The following STPG2 variants were observed in gnomAD, a reference collection of about 807,000 sequenced individuals.
STPG2 encodes the protein sperm tail PG-rich repeat containing 2.
In STPG2, 56 loss-of-function variants were observed where a neutral mutation model predicts 54.2. The observed-to-expected ratio is 1.03, with a 90% CI of 0.83 to 1.29. The LOEUF (loss-of-function observed/expected upper bound fraction) is 1.29, where lower values mean the gene tolerates loss of function less well. STPG2 is among the 50% of genes most tolerant of loss of function. The pLI is 0.00. For synonymous variants in STPG2, 200 were observed against 181.8 expected (o/e 1.10, Z -0.81); for missense variants, 596 against 544.9 (o/e 1.09, Z -0.93).
At chr4:97,483,531 C>T (rs1311858111) in intron 4 of STPG2, among the ~76,000 whole-genome samples, 1 of 151,426 alleles carries the variant, frequency 6.6e-6, no homozygotes, top group Non-Finnish European at 1.5e-5. Context: ...TATCATAATC[C>T]TAAACATATA....
intron 5 of STPG2, among the ~76,000 whole-genome samples, chr4:98,088,690 A>C (rs1327833803): frequency 6.6e-6 from 1 of 151,346 alleles, no homozygotes; most frequent in Middle Eastern, 3.4e-3. Flanking sequence ...AAAAAAAAAA[A>C]AACTCTAGCC....
intron 10 of STPG2, among the ~76,000 whole-genome samples, chr4:97,612,111 C>T (rs1319806987): frequency 6.6e-6 from 1 of 151,516 alleles, no homozygotes; most frequent in Non-Finnish European, 1.5e-5. Flanking sequence ...AAAAATGGCA[C>T]TAATACATGA....
At chr4:97,810,822 G>A (rs1727712292) in intron 9 of STPG2, among the ~76,000 whole-genome samples, 1 of 152,048 alleles carries the variant, frequency 6.6e-6, no homozygotes, top group South Asian at 2.1e-4. Context: ...ATTATCACAG[G>A]ATAAGCAAGC....
chr4:97,966,817 G>A (rs1734117060), intron 7 of STPG2, among the ~76,000 whole-genome samples: 3 of 151,886 alleles, frequency 2.0e-5, no homozygotes, highest in Non-Finnish European at 2.9e-5. Context: ...GAAACGCAAA[G>A]GCTGAGAGAT....
intron 5 of STPG2, among the ~76,000 whole-genome samples, chr4:98,061,591 TAAAC>T (rs1273739405): frequency 7.0e-6 from 1 of 143,700 alleles, no homozygotes; most frequent in African/African-American, 2.6e-5. Flanking sequence ...TATCATAACT[TAAAC>T]AAATTTACAA....
rs551934477 is a variant in STPG2, at chr4:97,745,891, T to TA, written c.1205-33078dup. On this transcript the variant is annotated intron_variant, in intron 9 of 10. Coordinates refer to ENST00000295268, the MANE Select transcript of STPG2 (RefSeq NM_174952.3). ...TTGCATTTCAATACTTGTAGAAAAA[T>TA]AAAGAGTTAATCTTAACATCTGGAT... Among the ~76,000 whole-genome samples the TA allele has an allele frequency of 1.2e-3, 188 of 151,362 alleles. 3 individuals are homozygous for TA. Among genetic ancestry groups the TA allele is most frequent in the Middle Eastern group, 0.011 (3 of 280 alleles).
intron 4 of STPG2, among the ~76,000 whole-genome samples, chr4:97,450,415 A>T (rs1729335932): frequency 6.6e-6 from 1 of 152,208 alleles, no homozygotes; most frequent in Non-Finnish European, 1.5e-5. Context: ...ATAATCATAA[A>T]ATACATATAA....
chr4:97,961,093 G>GAAA (rs199899968), intron 7 of STPG2, among the ~76,000 whole-genome samples: 4 of 145,298 alleles, frequency 2.8e-5, no homozygotes, highest in Admixed American at 6.9e-5. Flanking sequence ...ACATAAAATG[G>GAAA]AAAAAAAAAA....
intron 10 of STPG2, among the ~76,000 whole-genome samples, chr4:97,682,418 T>A (rs1723064643): frequency 6.6e-6 from 1 of 151,808 alleles, no homozygotes. Context: ...TGTAATGTTA[T>A]GTTTCTAGCT....
intron 3 of STPG2, among the ~76,000 whole-genome samples, chr4:98,114,166 C>G (rs1020607977): frequency 3.3e-5 from 5 of 152,072 alleles, no homozygotes; most frequent in Admixed American, 6.6e-5. Context: ...AAAGTAAGTG[C>G]TCCAGATCAC....
At chr4:98,021,779 C>T (rs1190145569) in intron 5 of STPG2, among the ~76,000 whole-genome samples, 1 of 151,856 alleles carries the variant, frequency 6.6e-6, no homozygotes, top group African/African-American at 2.4e-5. Flanking sequence ...TAATGGCCTT[C>T]TTTGTCTCTT....
At chr4:98,106,961 T>C (rs1046730330) in intron 4 of STPG2, among the ~76,000 whole-genome samples, 3 of 152,066 alleles carry the variant, frequency 2.0e-5, no homozygotes, top group African/African-American at 7.2e-5. Flanking sequence ...TTAAAAAATA[T>C]ATAATACAAA....
intron 4 of STPG2, among the ~76,000 whole-genome samples, chr4:97,529,847 T>A (rs1003953584): frequency 6.6e-6 from 1 of 152,196 alleles, no homozygotes; most frequent in Non-Finnish European, 1.5e-5. Context: ...CCTTAAAGTG[T>A]TAGTGTCTCA....
intron 8 of STPG2, among the ~76,000 whole-genome samples, chr4:97,887,533 TC>T (rs1730624066): frequency 6.6e-6 from 1 of 152,182 alleles, no homozygotes; most frequent in African/African-American, 2.4e-5. Context: ...AACAAAGTAT[TC>T]AAGATGTGGC....
At chr4:98,025,971 G>A in intron 5 of STPG2, 1 of 1,213,174 alleles carries the variant, frequency 8.2e-7, no homozygotes, top group Non-Finnish European at 1.2e-6. Flanking sequence ...AACTACACAG[G>A]AAGCACATTG....
chr4:97,712,617 G>A, intron 10 of STPG2, 82 bp downstream of exon 10: 1 of 902,332 alleles, frequency 1.1e-6, no homozygotes, highest in Non-Finnish European at 1.6e-6. Context: ...ATATGGAAAG[G>A]ACTTTAATAT....
intron 5 of STPG2, among the ~76,000 whole-genome samples, chr4:98,069,325 TG>T (rs762635587): frequency 2.6e-4 from 39 of 152,194 alleles, no homozygotes; most frequent in Middle Eastern, 6.8e-3. Flanking sequence ...TAGAAATGAC[TG>T]ATATGCAAAC....
chr4:98,092,838 A>C (rs529088251), intron 5 of STPG2, among the ~76,000 whole-genome samples: 33 of 152,094 alleles, frequency 2.2e-4, no homozygotes, highest in Non-Finnish European at 4.9e-4. Context: ...AATCTAAATA[A>C]TATTTTTAAA....
intron 9 of STPG2, among the ~76,000 whole-genome samples, chr4:97,730,235 A>G (rs952330453): frequency 1.3e-5 from 2 of 152,150 alleles, no homozygotes; most frequent in Non-Finnish European, 2.9e-5. Flanking sequence ...AATCCCACAT[A>G]CAAGTGAGAA....
Sources: gnomAD v4.1 joint callset for allele counts (sites outside exome capture counted in the v4.1 genomes callset) on GRCh38, gnomAD v4.1.1 for gene constraint, MANE v1.5 for transcripts, NCBI Gene and HGNC (gene_info 2026-07-23, HGNC 2026-07-21) for gene names.